Variants in RPGRIP1 observed in about 807,000 individuals in gnomAD.
RPGRIP1 encodes RPGR interacting protein 1.
RPGRIP1 carries 128 observed loss-of-function variants against 157.9 expected under a neutral mutation model. That is an observed-to-expected ratio of 0.81 (90% CI 0.70 to 0.94). The LOEUF (loss-of-function observed/expected upper bound fraction) is 0.94. Ranked by LOEUF, RPGRIP1 falls within the 40% of genes least tolerant of loss-of-function variation. The pLI, the probability that RPGRIP1 is intolerant of heterozygous loss-of-function variation, is 0.00. For synonymous variants in RPGRIP1, 554 were observed against 571.6 expected, an observed-to-expected ratio of 0.97 and a Z score of 0.44; for missense variants, 1,486 against 1,545.8, an observed-to-expected ratio of 0.96 and a Z score of 0.65.
intron 24 of RPGRIP1, among the ~76,000 whole-genome samples, chr14:21,350,366 A>ACTC: frequency 8.0e-6 from 1 of 125,514 alleles, no homozygotes; most frequent in East Asian, 2.3e-4. Context: ...ACAGAACAAG[A>ACTC]CTCTGTCTCC....
chr14:21,329,941 A>G (rs1883552166), intron 19 of RPGRIP1, among the ~76,000 whole-genome samples: 1 of 150,826 alleles, frequency 6.6e-6, no homozygotes, highest in South Asian at 2.1e-4. Context: ...AACATGGTGA[A>G]ACCCCATCTC....
At position 21,322,013 on chromosome 14, in the gene RPGRIP1, T is replaced by C. The variant is rs1882541630; in HGVS notation, c.1762+9T>C. 1 of 1,609,748 alleles carries C rather than the reference T, an allele frequency of 6.2e-7. No individual in the cohort carries two copies. Among genetic ancestry groups the C allele is most frequent in the Admixed American group, 1.7e-5 (1 of 59,166 alleles). ...TGACCTTCCAACATCTGGCAAGTCT[T>C]AGTCCTTTGTTCTCCTCACTTCGGG... On this transcript the variant is annotated intron_variant, in intron 14 of 24. Coordinates refer to ENST00000400017, the MANE Select transcript of RPGRIP1 (RefSeq NM_020366.4).
chr14:21,339,699 A>G lies in RPGRIP1; in HGVS notation c.3340-3337A>G, dbSNP rs559976437. 2.8e-4 allele frequency among the ~76,000 whole-genome samples: 43 copies of G among 152,262 alleles called. 1 individual carries two copies. Among genetic ancestry groups the G allele is most frequent in the Non-Finnish European group, 5.3e-4 (36 of 68,022 alleles). On this transcript the variant is annotated intron_variant, in intron 21 of 24. Transcript: ENST00000400017. The stretch of plus-strand genomic sequence containing the variant: ...AGAACTCTAATGGGTAATGATTGAG[A>G]TTTCATACTGTGTGCCAAGTGCTTG...
intron 21 of RPGRIP1, among the ~76,000 whole-genome samples, chr14:21,340,627 C>A (rs1470998359): frequency 1.3e-5 from 2 of 152,196 alleles, no homozygotes; most frequent in Non-Finnish European, 2.9e-5. Flanking sequence ...TGCACTCCAG[C>A]CTGGGCAACA....
intron 6 of RPGRIP1, among the ~76,000 whole-genome samples, chr14:21,306,528 A>G (rs1881314705): frequency 6.6e-6 from 1 of 151,238 alleles, no homozygotes; most frequent in East Asian, 1.9e-4. Flanking sequence ...GCGAGATCTC[A>G]GCTCACTGTA....
At chr14:21,313,436 A>T (rs1881628988) in intron 10 of RPGRIP1, among the ~76,000 whole-genome samples, 1 of 152,194 alleles carries the variant, frequency 6.6e-6, no homozygotes, top group Non-Finnish European at 1.5e-5. Context: ...ACCACTGATA[A>T]GAGATTGATC....
At chr14:21,337,252 T>A (rs1180282436) in intron 21 of RPGRIP1, among the ~76,000 whole-genome samples, 1 of 152,172 alleles carries the variant, frequency 6.6e-6, no homozygotes, top group Non-Finnish European at 1.5e-5. Flanking sequence ...TAACCTCTAT[T>A]AGGCCTTGTC....
At chr14:21,342,564 A>G (rs1219629092) in intron 21 of RPGRIP1, among the ~76,000 whole-genome samples, 1 of 150,886 alleles carries the variant, frequency 6.6e-6, no homozygotes. Context: ...AAAAAAGTTG[A>G]GAAATAGCTG....
At chr14:21,302,756 C>T in intron 5 of RPGRIP1, 172 bp downstream of exon 5, 2 of 412,816 alleles carry the variant, frequency 4.8e-6, no homozygotes, top group Non-Finnish European at 8.8e-6. Context: ...GGAAAACAAG[C>T]GTCTCTCTGT....
intron 2 of RPGRIP1, among the ~76,000 whole-genome samples, chr14:21,289,176 A>G (rs1880419681): frequency 6.6e-6 from 1 of 152,078 alleles, no homozygotes. Flanking sequence ...AAATACAAAA[A>G]AATTAGCTGG....
chr14:21,309,744 C>T (rs184173407), intron 7 of RPGRIP1, among the ~76,000 whole-genome samples: 2 of 151,774 alleles, frequency 1.3e-5, no homozygotes, highest in Admixed American at 6.6e-5. Context: ...CAGCAGAGAG[C>T]TATGTGAAAG....
rs550094754 is a variant in RPGRIP1 at position 21,330,372 on chromosome 14, C to G, written c.3223C>G (p.Leu1075Val). The G allele has an allele frequency of 7.8e-6, 12 of 1,530,460 alleles. 1 individual carries two copies. The East Asian group carries it at 1.5e-4, about 20-fold the overall frequency. 94.8% of individuals were successfully genotyped at this position (1,530,460 alleles called of 1,614,324 possible). ...SHSALKQKEPLHPVNDKESSE... is the reference protein window; with the variant it reads ...SHSALKQKEPVHPVNDKESSE... ...TTCAGCACTGAAACAGAAGGAACCTCTACATCCTGTAAATGGTATTGTCTT... is the reference window on the plus strand; with the variant it reads ...TTCAGCACTGAAACAGAAGGAACCTGTACATCCTGTAAATGGTATTGTCTT... The change falls in exon 20 of 25, where the codon CTA becomes GTA. Residue 1075 changes from leucine to valine, a missense_variant. Transcript: ENST00000400017.
At position 21,295,223 on chromosome 14, in the gene RPGRIP1, G is replaced by C. The variant is rs1880718162; in HGVS notation, c.218+414G>C. On this transcript the variant is annotated intron_variant, in intron 3 of 24. Transcript: ENST00000400017. The stretch of plus-strand genomic sequence containing the variant: ...CGATAGACTGTGACCACAGGACACA[G>C]AGCATCATTAAGAGCTTGGGTGATA... Among the ~76,000 whole-genome samples, 3 of 152,058 alleles carry C rather than the reference G, an allele frequency of 2.0e-5. No individual in the cohort carries two copies. The South Asian group carries it at 6.2e-4, about 31-fold the overall frequency.
At chr14:21,290,970 C>A (rs1283352941) in intron 2 of RPGRIP1, among the ~76,000 whole-genome samples, 1 of 142,662 alleles carries the variant, frequency 7.0e-6, no homozygotes, top group African/African-American at 2.6e-5. Context: ...CACTGCACTC[C>A]AGCCTGGGTG....
In RPGRIP1 at chr14:21,330,411, T is replaced by C. The variant is rs377091109; in HGVS notation, c.3238+24T>C. On this transcript the variant is annotated intron_variant, in intron 20 of 24. Transcript: ENST00000400017. ...TGGTATTGTCTTTTAAAATCTATTT[T>C]TTTTCCTAGCACTTTGGGAGGCCGA... 29 of 1,448,298 alleles carry C rather than the reference T, an allele frequency of 2.0e-5. No individual in the cohort carries two copies. The African/African-American group carries it at 4.3e-4, about 21-fold the overall frequency. 89.7% of individuals were successfully genotyped at this position (1,448,298 alleles called of 1,614,324 possible).
At chr14:21,320,595 CTTT>C (rs34911429) in intron 12 of RPGRIP1, among the ~76,000 whole-genome samples, 1 of 95,168 alleles carries the variant, frequency 1.1e-5, no homozygotes. Flanking sequence ...CCGGCCCACT[CTTT>C]TTTTTTTTTT....
At chr14:21,299,047 C>A (rs1880916521) in intron 3 of RPGRIP1, among the ~76,000 whole-genome samples, 1 of 146,416 alleles carries the variant, frequency 6.8e-6, no homozygotes. Flanking sequence ...GGGAGTTTCG[C>A]TCTTGTTGCC....
chr14:21,301,710 T>C (rs1374110691), intron 4 of RPGRIP1, among the ~76,000 whole-genome samples: 1 of 125,800 alleles, frequency 7.9e-6, no homozygotes, highest in Non-Finnish European at 1.6e-5. Context: ...ATAATAATAA[T>C]AATAATAATA....
chr14:21,300,356 A>G (rs1263898501), intron 3 of RPGRIP1, among the ~76,000 whole-genome samples: 2 of 151,830 alleles, frequency 1.3e-5, no homozygotes, highest in Non-Finnish European at 2.9e-5. Flanking sequence ...ATACAGTCAC[A>G]CTGGGGGTTA....
Sources: allele counts gnomAD v4.1 joint callset (sites outside exome capture counted in the v4.1 genomes callset), GRCh38; gene constraint gnomAD v4.1.1; transcripts MANE v1.5; gene names NCBI Gene and HGNC (gene_info 2026-07-23, HGNC 2026-07-21).